The following PDZRN4 variants were observed in gnomAD, a reference collection of about 807,000 sequenced individuals.
PDZRN4 encodes PDZ domain-containing RING finger protein 4.
A neutral mutation model predicts 99.0 loss-of-function variants in PDZRN4; 70 were observed. The observed-to-expected ratio is 0.71, with a 90% CI of 0.58 to 0.86. PDZRN4 has a LOEUF of 0.86. Among genes scored for constraint, PDZRN4 ranks in the 40% least tolerant of loss-of-function variants. PDZRN4 has a pLI of 0.00. For synonymous variants in PDZRN4, 551 were observed against 501.6 expected (o/e 1.10, Z -1.32); for missense variants, 1,474 against 1,331.2 (o/e 1.11, Z -1.67).
At chr12:41,374,682 A>C (rs1952066936) in intron 3 of PDZRN4, among the ~76,000 whole-genome samples, 2 of 152,174 alleles carry the variant, frequency 1.3e-5, no homozygotes, top group African/African-American at 4.8e-5. Context: ...GCTGCCTCTG[A>C]GGTTTCCTTA....
At chr12:41,379,021 G>A (rs1458412552) in intron 3 of PDZRN4, among the ~76,000 whole-genome samples, 1 of 151,984 alleles carries the variant, frequency 6.6e-6, no homozygotes, top group Admixed American at 6.6e-5. Context: ...TTCTTTCTTG[G>A]GAGGCTGTTG....
intron 5 of PDZRN4, among the ~76,000 whole-genome samples, chr12:41,532,714 T>C (rs1365963576): frequency 1.3e-5 from 2 of 152,174 alleles, no homozygotes; most frequent in African/African-American, 2.4e-5. Context: ...TTGTATGACC[T>C]TGGAAAAATC....
intron 3 of PDZRN4, among the ~76,000 whole-genome samples, chr12:41,322,975 G>A (rs1322474781): frequency 6.6e-6 from 1 of 151,860 alleles, no homozygotes; most frequent in Non-Finnish European, 1.5e-5. Context: ...TGGATTGCTA[G>A]AGTAATGAAA....
intron 8 of PDZRN4, 121 bp from the exon 9 acceptor site, chr12:41,567,662 G>A (rs1000036925): frequency 2.2e-6 from 1 of 447,520 alleles, no homozygotes. Flanking sequence ...TGGGAGGCTG[G>A]TATTCTGAAG....
intron 3 of PDZRN4, among the ~76,000 whole-genome samples, chr12:41,469,218 C>A (rs1316925726): frequency 2.0e-5 from 3 of 152,012 alleles, no homozygotes; most frequent in Admixed American, 6.5e-5. Flanking sequence ...GCTTGAATAG[C>A]CGGCTGAAGA....
At chr12:41,272,818 G>A (rs915865402) in intron 3 of PDZRN4, among the ~76,000 whole-genome samples, 8 of 151,826 alleles carry the variant, frequency 5.3e-5, no homozygotes, top group Admixed American at 1.3e-4. Context: ...TTGTGGCATC[G>A]AATTGTCAAT....
At chr12:41,431,633 T>G (rs1952586890) in intron 3 of PDZRN4, among the ~76,000 whole-genome samples, 1 of 151,036 alleles carries the variant, frequency 6.6e-6, no homozygotes, top group Non-Finnish European at 1.5e-5. Context: ...AAGCCTAGTC[T>G]TCTTCTTTGA....
intron 3 of PDZRN4, among the ~76,000 whole-genome samples, chr12:41,363,069 T>G (rs1012454183): frequency 2.0e-5 from 3 of 152,088 alleles, no homozygotes; most frequent in African/African-American, 7.2e-5. Context: ...TTTGAGAGCA[T>G]GAAGTATCAC....
intron 3 of PDZRN4, among the ~76,000 whole-genome samples, chr12:41,357,459 T>C (rs550200046): frequency 1.3e-5 from 2 of 152,110 alleles, no homozygotes; most frequent in South Asian, 4.1e-4. Flanking sequence ...CATTTATTTG[T>C]CAATTAAATA....
chr12:41,372,777 T>C (rs1360844331), intron 3 of PDZRN4, among the ~76,000 whole-genome samples: 1 of 152,122 alleles, frequency 6.6e-6, no homozygotes, highest in East Asian at 1.9e-4. Context: ...TTAGACTTTA[T>C]CCTGAAGGTG....
At chr12:41,549,407 G>A (rs1592107567) in intron 5 of PDZRN4, among the ~76,000 whole-genome samples, 1 of 152,104 alleles carries the variant, frequency 6.6e-6, no homozygotes. Context: ...AAACAAAATT[G>A]TCTACAGGTA....
chr12:41,457,438 A>G (rs1189469784), intron 3 of PDZRN4, among the ~76,000 whole-genome samples: 1 of 152,220 alleles, frequency 6.6e-6, no homozygotes, highest in African/African-American at 2.4e-5. Context: ...AATTTTAAAG[A>G]CGATTTTCTT....
intron 3 of PDZRN4, among the ~76,000 whole-genome samples, chr12:41,500,104 G>C (rs1938083917): frequency 6.6e-6 from 1 of 151,976 alleles, no homozygotes; most frequent in African/African-American, 2.4e-5. Flanking sequence ...GAAACTGTGG[G>C]CATGTGGTGG....
At chr12:41,536,067 C>G (rs548742003) in intron 5 of PDZRN4, among the ~76,000 whole-genome samples, 42 of 152,236 alleles carry the variant, frequency 2.8e-4, no homozygotes, top group African/African-American at 1.0e-3. Context: ...TGGGCTTTGT[C>G]TCCTGTCCTT....
chr12:41,281,144 T>TG (rs1951383163), intron 3 of PDZRN4, among the ~76,000 whole-genome samples: 1 of 151,880 alleles, frequency 6.6e-6, no homozygotes. Context: ...GAAGGAAGAC[T>TG]AACAAACAGA....
In PDZRN4 at chr12:41,572,613, A is replaced by G; in HGVS notation, c.1834A>G (p.Ile612Val). ...TGAGAGCCTCGTATCTGGTGAATACATTGACTCAGACTGCATTGGCAACCC... is the reference window on the plus strand; with the variant it reads ...TGAGAGCCTCGTATCTGGTGAATACGTTGACTCAGACTGCATTGGCAACCC... ...YNESLVSGEY[I>V]DSDCIGNPDE... The change falls in exon 10 of 10, where the codon ATT (isoleucine) becomes GTT (valine). Residue 612 changes from isoleucine (I) to valine (V), a missense_variant. Ile to Val is a conservative substitution (Grantham distance 29). Coordinates refer to ENST00000402685, the MANE Select transcript of PDZRN4 (RefSeq NM_001164595.2). 1 of 1,614,186 alleles carries G rather than the reference A, an allele frequency of 6.2e-7. No homozygotes were observed. The highest frequency in any genetic ancestry group is 8.5e-7 in the Non-Finnish European group (1 of 1,180,020).
intron 3 of PDZRN4, among the ~76,000 whole-genome samples, chr12:41,208,746 CTGT>C (rs1950867266): frequency 6.6e-6 from 1 of 151,722 alleles, no homozygotes; most frequent in African/African-American, 2.4e-5. Context: ...AGTAAGAAGC[CTGT>C]TGTTTATTCT....
intron 3 of PDZRN4, among the ~76,000 whole-genome samples, chr12:41,331,175 T>G (rs1951739274): frequency 6.6e-6 from 1 of 152,132 alleles, no homozygotes; most frequent in Non-Finnish European, 1.5e-5. Context: ...GAACTTGAAT[T>G]TTATGACTAT....
Position 41,521,630 on chromosome 12 carries a change from C to T in PDZRN4, c.1203+11717C>T, listed in dbSNP as rs146096969. Reference sequence around the variant, plus strand: ...CATCAGATGTACTTGACAGAGGAAACTGAAGCCTGTGAAGGTTAAATATTC... The same window carrying T: ...CATCAGATGTACTTGACAGAGGAAATTGAAGCCTGTGAAGGTTAAATATTC... On this transcript the variant is annotated intron_variant, in intron 5 of 9. Coordinates refer to ENST00000402685, the MANE Select transcript of PDZRN4 (RefSeq NM_001164595.2). Among the ~76,000 whole-genome samples, 1,061 of 152,164 alleles carry T rather than the reference C, an allele frequency of 7.0e-3. 5 individuals are homozygous for T. Among genetic ancestry groups the T allele is most frequent in the Non-Finnish European group, 0.012 (835 of 67,980 alleles).
Sources: allele counts gnomAD v4.1 joint callset (sites outside exome capture counted in the v4.1 genomes callset), GRCh38; gene constraint gnomAD v4.1.1; transcripts MANE v1.5; gene names NCBI Gene and HGNC (gene_info 2026-07-23, HGNC 2026-07-21).